The following CRY2 variants were observed in gnomAD, a reference collection of about 807,000 sequenced individuals.
CRY2 encodes cryptochrome-2.
Under a neutral mutation model 69.5 loss-of-function variants are expected in CRY2, and 31 were observed. That is an observed-to-expected ratio of 0.45 (90% CI 0.34 to 0.60). The LOEUF is 0.60. Among genes scored for constraint, CRY2 ranks in the 20% least tolerant of loss-of-function variants. The pLI is 0.02. For missense variants in CRY2, 606 were observed against 797.8 expected (o/e 0.76, Z 2.90); for synonymous variants, 303 against 312.2 (o/e 0.97, Z 0.31).
intron 11 of CRY2, among the ~76,000 whole-genome samples, chr11:45,875,276 A>G (rs756983392): frequency 7.2e-5 from 11 of 152,216 alleles, no homozygotes; most frequent in Non-Finnish European, 1.2e-4. Context: ...AGGTATTGTT[A>G]TTATTGTAGA....
intron 4 of CRY2, 60 bp from the exon 5 acceptor site, chr11:45,862,000 G>T: frequency 7.1e-7 from 1 of 1,410,390 alleles, no homozygotes. Context: ...CAGAACAGCC[G>T]TGCCGGGCTA....
intron 2 of CRY2, among the ~76,000 whole-genome samples, chr11:45,857,387 C>CATATAA (rs1417136815): frequency 1.3e-5 from 2 of 152,130 alleles, no homozygotes; most frequent in Non-Finnish European, 2.9e-5. Flanking sequence ...CCCACCATAC[C>CATATAA]ATATAAATAC....
intron 9 of CRY2, 141 bp downstream of exon 9, chr11:45,870,673 T>G: frequency 8.5e-7 from 1 of 1,179,746 alleles, no homozygotes; most frequent in Non-Finnish European, 1.2e-6. Flanking sequence ...TATGGGACAC[T>G]GCAGGCTGGG....
upstream of CRY2, chr11:45,847,451 C>G: frequency 6.3e-7 from 1 of 1,594,724 alleles, no homozygotes; most frequent in Non-Finnish European, 8.5e-7. Flanking sequence ...ACGTCGCCTA[C>G]CGGGGCGGAG....
At chr11:45,880,259 C>T (rs1302899774) in intron 11 of CRY2, among the ~76,000 whole-genome samples, 1 of 152,182 alleles carries the variant, frequency 6.6e-6, no homozygotes, top group Non-Finnish European at 1.5e-5. Context: ...AAACAGACAA[C>T]TCAGCATTGT....
Position 45,852,195 on chromosome 11 carries a change from C to G in CRY2, c.216-3787C>G, listed in dbSNP as rs544333581. ...TGTCTAATCCAAAGGGTAAGCTTTGCTCTCCCAGGACCATGTGCTCTGAAT... is the reference window on the plus strand; with the variant it reads ...TGTCTAATCCAAAGGGTAAGCTTTGGTCTCCCAGGACCATGTGCTCTGAAT... On this transcript the variant is annotated intron_variant, in intron 1 of 11. Coordinates refer to ENST00000616080, the MANE Select transcript of CRY2 (RefSeq NM_021117.5). Among the ~76,000 whole-genome samples the G allele has an allele frequency of 1.3e-4, 20 of 152,326 alleles. No individual in the cohort carries two copies. In the South Asian group the frequency reaches 3.7e-3, roughly 28 times the overall value.
chr11:45,856,017 G>T lies in CRY2; in HGVS notation c.251G>T (p.Ser84Ile). 6.2e-7 allele frequency: 1 copy of T among 1,614,210 alleles called. No homozygotes were observed. Among genetic ancestry groups the T allele is most frequent in the African/African-American group, 1.3e-5 (1 of 75,060 alleles). The change falls in exon 2 of 12, where the codon AGT becomes ATT. Residue 84 changes from serine (S) to isoleucine (I), a missense_variant. Around this residue, in one of 5 missense-constraint regions of CRY2, gnomAD observed 382 missense variants for 508.9 expected, o/e 0.75. Transcript: ENST00000616080. ...LLQSLEDLDT[S>I]LRKLNSRLFV... is the part of the protein sequence containing the mutation. ...CAGTCTCTGGAAGATTTGGACACAAGTTTAAGGAAACTGAACTCCCGCCTG... is the reference window on the plus strand; with the variant it reads ...CAGTCTCTGGAAGATTTGGACACAATTTTAAGGAAACTGAACTCCCGCCTG...
intron 11 of CRY2, among the ~76,000 whole-genome samples, chr11:45,876,533 T>C (rs902230313): frequency 1.3e-5 from 2 of 152,222 alleles, no homozygotes; most frequent in Non-Finnish European, 2.9e-5. Context: ...CAGATTTCTC[T>C]CATTGGTCCA....
At chr11:45,871,950 G>A (rs748912413) in intron 10 of CRY2, 142 bp from the exon 11 acceptor site, 79 of 1,198,800 alleles carry the variant, frequency 6.6e-5, no homozygotes, top group Non-Finnish European at 7.6e-5. Flanking sequence ...AAGCAAGGCC[G>A]AGGGGCAGGT....
At chr11:45,849,333 G>A (rs2086176187) in intron 1 of CRY2, among the ~76,000 whole-genome samples, 1 of 152,194 alleles carries the variant, frequency 6.6e-6, no homozygotes, top group African/African-American at 2.4e-5. Context: ...GTCAGAGGCT[G>A]TGTAAGAATG....
upstream of CRY2, chr11:45,847,188 CT>C: frequency 4.5e-6 from 7 of 1,549,346 alleles, no homozygotes; most frequent in Non-Finnish European, 6.1e-6. Flanking sequence ...ACTTGGCCTA[CT>C]CCCGGCACTC....
chr11:45,879,432 A>G (rs544284990), intron 11 of CRY2, among the ~76,000 whole-genome samples: 8 of 152,340 alleles, frequency 5.3e-5, no homozygotes, highest in Admixed American at 4.6e-4. Context: ...TCCCTTTTCT[A>G]ATAACAGCTT....
Position 45,869,743 on chromosome 11 carries a change from C to A in CRY2, c.1120C>A (p.His374Asn). 3.7e-6 allele frequency: 6 copies of A among 1,613,942 alleles called. No homozygotes were observed. Among genetic ancestry groups the A allele is most frequent in the Non-Finnish European group, 5.1e-6 (6 of 1,179,932 alleles). Residue 374 changes from histidine to asparagine, a missense_variant, in exon 7 of 12, where the codon CAC (histidine) becomes AAC (asparagine). This residue lies in a region of CRY2 where 382 missense variants were observed against 508.9 expected (regional missense o/e 0.75). Transcript: ENST00000616080. ...ACTGAGGCAGGAGGGCTGGATCCAC[C>A]ACCTGGCCCGGCATGCCGTGGCCTG... ...TQLRQEGWIHHLARHAVACFL... is the reference protein window; with the variant it reads ...TQLRQEGWIHNLARHAVACFL...
intron 5 of CRY2, among the ~76,000 whole-genome samples, chr11:45,863,901 A>T (rs1214092363): frequency 6.6e-6 from 1 of 152,176 alleles, no homozygotes; most frequent in African/African-American, 2.4e-5. Flanking sequence ...AAGCTACATG[A>T]TCTTTACCAC....
chr11:45,858,491 A>T (rs1237047006), intron 2 of CRY2: 1 of 487,756 alleles, frequency 2.1e-6, no homozygotes, highest in Non-Finnish European at 3.6e-6. Context: ...AAGGCTGCCT[A>T]CCTCTCTCCC....
At chr11:45,874,910 T>A (rs901178263) in intron 11 of CRY2, among the ~76,000 whole-genome samples, 2 of 152,138 alleles carry the variant, frequency 1.3e-5, no homozygotes, top group Non-Finnish European at 2.9e-5. Context: ...ACCACTGCAC[T>A]CCAGCCTGGG....
At chr11:45,875,510 A>G (rs2086418499) in intron 11 of CRY2, among the ~76,000 whole-genome samples, 1 of 152,202 alleles carries the variant, frequency 6.6e-6, no homozygotes, top group Non-Finnish European at 1.5e-5. Flanking sequence ...AAGACATGAC[A>G]AGGATGCAGA....
intron 6 of CRY2, chr11:45,867,983 A>T (rs940185426): frequency 1.8e-5 from 10 of 544,786 alleles, no homozygotes; most frequent in Non-Finnish European, 2.9e-5. Flanking sequence ...CATCATGTAG[A>T]GCAGAAGGAC....
chr11:45,880,026 C>G (rs766924100), intron 11 of CRY2, among the ~76,000 whole-genome samples: 15 of 152,140 alleles, frequency 9.9e-5, no homozygotes, highest in Non-Finnish European at 2.2e-4. Context: ...CTTTAAAGAC[C>G]CTGTCTCCAA....
Sources: allele counts gnomAD v4.1 joint callset (sites outside exome capture counted in the v4.1 genomes callset), GRCh38; gene constraint gnomAD v4.1.1; regional missense constraint gnomAD v4.1.1; transcripts MANE v1.5; gene names NCBI Gene and HGNC (gene_info 2026-07-23, HGNC 2026-07-21).